The following ATP9B variants were observed in gnomAD, a reference collection of about 807,000 sequenced individuals.
ATP9B encodes the protein probable phospholipid-transporting ATPase IIB.
ATP9B carries 110 observed loss-of-function variants against 146.1 expected under a neutral mutation model. The ratio of observed to expected loss-of-function variants is 0.75; its 90% CI spans 0.65 to 0.88. ATP9B has a LOEUF of 0.88. Ranked by LOEUF, ATP9B falls within the 40% of genes least tolerant of loss-of-function variation. The pLI, the probability that ATP9B is intolerant of heterozygous loss-of-function variation, is 0.00. For synonymous variants in ATP9B, 604 were observed against 569.7 expected, an observed-to-expected ratio of 1.06 and a Z score of -0.86; for missense variants, 1,499 against 1,496.4, an observed-to-expected ratio of 1.00 and a Z score of -0.03.
In ATP9B at chr18:79,141,799, AGT is replaced by A. The variant is rs756851581; in HGVS notation, c.668-2000_668-1999del. Reference sequence around the variant, plus strand: ...GATCAGTTGTCAGCTCCGTCAACAAAGTGTTAGCCAGAAATCAAATATTTAAT... The same window carrying A: ...GATCAGTTGTCAGCTCCGTCAACAAAGTTAGCCAGAAATCAAATATTTAAT... On this transcript the variant is annotated intron_variant, in intron 5 of 29. Transcript: ENST00000426216. Among the ~76,000 whole-genome samples the A allele has an allele frequency of 5.4e-4, 82 of 152,200 alleles. 1 individual carries two copies. Among genetic ancestry groups the A allele is most frequent in the Non-Finnish European group, 8.4e-4 (57 of 68,030 alleles).
At chr18:79,244,347 A>G (rs1445230102) in intron 11 of ATP9B, among the ~76,000 whole-genome samples, 2 of 152,092 alleles carry the variant, frequency 1.3e-5, no homozygotes, top group Non-Finnish European at 2.9e-5. Flanking sequence ...GCCTTTTCCC[A>G]CCATCTATGG....
chr18:79,146,273 G>T (rs1374343687), intron 6 of ATP9B: 1 of 146,136 alleles, frequency 6.8e-6, no homozygotes, highest in South Asian at 8.5e-5. Context: ...CTGCATGTCG[G>T]GGGAGCTGGC....
chr18:79,287,442 T>G (rs1264493313), intron 13 of ATP9B, among the ~76,000 whole-genome samples: 1 of 152,232 alleles, frequency 6.6e-6, no homozygotes, highest in African/African-American at 2.4e-5. Flanking sequence ...GTAGTTTGTA[T>G]TTCTGTGAGA....
chr18:79,134,606 T>C (rs2094425859), intron 5 of ATP9B, among the ~76,000 whole-genome samples: 1 of 152,256 alleles, frequency 6.6e-6, no homozygotes, highest in Admixed American at 6.5e-5. Flanking sequence ...AGTTTGCGTT[T>C]CCATTGTGCC....
chr18:79,189,952 T>C, intron 8 of ATP9B, among the ~76,000 whole-genome samples: 2 of 152,354 alleles, frequency 1.3e-5, no homozygotes, highest in East Asian at 3.9e-4. Flanking sequence ...CTCGGAACTG[T>C]GATGCACAGG....
intron 1 of ATP9B, among the ~76,000 whole-genome samples, chr18:79,074,785 G>A (rs2072399069): frequency 6.6e-6 from 1 of 152,230 alleles, no homozygotes; most frequent in Non-Finnish European, 1.5e-5. Context: ...GGACTTAACT[G>A]GGGAGGAGCA....
In ATP9B at chr18:79,376,214, C is replaced by CACACACACACAAAAA; in HGVS notation, c.3307+789_3307+790insCACACACACAAAAAA. 78 of 884,720 alleles carry CACACACACACAAAAA rather than the reference C, an allele frequency of 8.8e-5. 2 individuals are homozygous for CACACACACACAAAAA. The highest frequency in any genetic ancestry group is 6.4e-4 in the Admixed American group (8 of 12,590). The allele number at this position is 884,720 out of a possible 1,614,324, so 54.8% of individuals were successfully genotyped here. On this transcript the variant is annotated intron_variant, in intron 29 of 29. Coordinates refer to ENST00000426216, the MANE Select transcript of ATP9B (RefSeq NM_198531.5). ...ACACACACACACACACACACACACA[C>CACACACACACAAAAA]AAAACAAAACAAAAAAATGGCTAGC...
intron 15 of ATP9B, among the ~76,000 whole-genome samples, chr18:79,308,833 C>T (rs1272274514): frequency 7.7e-6 from 1 of 130,632 alleles, no homozygotes; most frequent in Non-Finnish European, 1.6e-5. Flanking sequence ...GAGTGATCCC[C>T]AGCAGGTAGA....
intron 19 of ATP9B, 72 bp from the exon 20 acceptor site, chr18:79,342,196 G>A: frequency 8.1e-7 from 1 of 1,237,926 alleles, no homozygotes. Context: ...TGGCTGTTGT[G>A]AATTATGTGA....
chr18:79,368,500 T>G (rs1021673590), intron 26 of ATP9B, among the ~76,000 whole-genome samples: 5 of 152,244 alleles, frequency 3.3e-5, no homozygotes, highest in African/African-American at 1.2e-4. Context: ...GAGCACTCTG[T>G]GGCAGCAAGT....
intron 12 of ATP9B, among the ~76,000 whole-genome samples, chr18:79,276,369 T>C (rs1476984504): frequency 2.0e-5 from 3 of 152,260 alleles, no homozygotes; most frequent in African/African-American, 7.2e-5. Flanking sequence ...CGGACTTAAA[T>C]TATGAAATTT....
At chr18:79,208,194 G>A (rs2095552906) in intron 10 of ATP9B, among the ~76,000 whole-genome samples, 1 of 152,174 alleles carries the variant, frequency 6.6e-6, no homozygotes, top group South Asian at 2.1e-4. Context: ...GCAGTGAACC[G>A]AGATCGCGCC....
intron 26 of ATP9B, among the ~76,000 whole-genome samples, chr18:79,369,564 G>A (rs1245959993): frequency 1.0e-4 from 15 of 146,450 alleles, no homozygotes; most frequent in Admixed American, 3.4e-4. Flanking sequence ...ATCAGAGAAC[G>A]TATACTGAGG....
At chr18:79,350,959 C>T (rs906399343) in intron 25 of ATP9B, among the ~76,000 whole-genome samples, 15 of 151,944 alleles carry the variant, frequency 9.9e-5, no homozygotes, top group South Asian at 6.2e-4. Context: ...TTAGTAGAGA[C>T]GGGGTTTTGC....
intron 26 of ATP9B, chr18:79,362,497 G>A (rs188823766): frequency 1.0e-3 from 154 of 152,316 alleles, no homozygotes; most frequent in African/African-American, 3.5e-3. Context: ...TTCTTTTGAA[G>A]CTCAAATTCT....
intron 29 of ATP9B, among the ~76,000 whole-genome samples, chr18:79,376,555 A>G (rs1460666454): frequency 6.6e-6 from 1 of 151,842 alleles, no homozygotes; most frequent in East Asian, 1.9e-4. Context: ...ACACCAGGAT[A>G]ATTTTTGTAT....
intron 1 of ATP9B, among the ~76,000 whole-genome samples, chr18:79,080,868 A>G (rs1422332915): frequency 2.0e-5 from 3 of 152,220 alleles, no homozygotes; most frequent in Non-Finnish European, 4.4e-5. Context: ...TTCTGCATCT[A>G]TTGAGATAAT....
At chr18:79,289,306 G>T (rs1275034096) in intron 13 of ATP9B, among the ~76,000 whole-genome samples, 1 of 152,140 alleles carries the variant, frequency 6.6e-6, no homozygotes, top group Admixed American at 6.5e-5. Context: ...TGGAGGCTTT[G>T]TTCATTTCTT....
chr18:79,329,205 T>A lies in ATP9B; in HGVS notation c.1838T>A (p.Met613Lys). The A allele has an allele frequency of 6.2e-7, 1 of 1,612,652 alleles. No homozygotes were observed. The highest frequency in any genetic ancestry group is 8.5e-7 in the Non-Finnish European group (1 of 1,179,888). ...LTLVSRDLTS[M>K]QLKTPSGQVL... is the part of the protein sequence containing the mutation. ...CTGGTCAGCAGGGACCTCACCTCCA[T>A]GCAGCTGAAGACCCCCAGTGGCCAG... Residue 613 changes from methionine to lysine, a missense_variant, in exon 16 of 30, where the codon ATG becomes AAG. By Grantham distance (95) the Met-to-Lys change is moderately conservative (BLOSUM62 -1). Transcript: ENST00000426216.
Sources: allele counts gnomAD v4.1 joint callset (sites outside exome capture counted in the v4.1 genomes callset), GRCh38; gene constraint gnomAD v4.1.1; transcripts MANE v1.5; gene names NCBI Gene and HGNC (gene_info 2026-07-23, HGNC 2026-07-21).